EYS: variants seen among roughly 807,000 people sequenced by gnomAD.
EYS encodes EGF-like photoreceptor maintenance factor, also known as protein eyes shut homolog.
A neutral mutation model predicts 282.1 loss-of-function variants in EYS; 250 were observed. That is an observed-to-expected ratio of 0.89 (90% CI 0.80 to 0.98). The LOEUF is 0.98. EYS is among the 50% of genes least tolerant of loss of function. EYS has a pLI of 0.00. For missense variants in EYS, 4,016 were observed against 3,709.0 expected (o/e 1.08, Z -2.15); for synonymous variants, 1,355 against 1,282.9 (o/e 1.06, Z -1.20).
chr6:63,914,142 A>G (rs1465305443), intron 35 of EYS, among the ~76,000 whole-genome samples: 1 of 151,888 alleles, frequency 6.6e-6, no homozygotes, highest in Non-Finnish European at 1.5e-5. Flanking sequence ...TCTCTCTAGG[A>G]CTCCCTATAC....
At chr6:63,880,483 G>A (rs199625964) in intron 35 of EYS, among the ~76,000 whole-genome samples, 83 of 120,406 alleles carry the variant, frequency 6.9e-4, no homozygotes, top group African/African-American at 1.2e-3. Flanking sequence ...CTGTCTGTCT[G>A]TCTGTATCTA....
rs1230508325 is a variant in EYS, at chr6:64,295,518, A to AAAGAAGAAAGAAGAAGAAAG, written c.6191+11432_6191+11451dup. Among the ~76,000 whole-genome samples, 5 of 35,906 alleles carry AAAGAAGAAAGAAGAAGAAAG rather than the reference A, an allele frequency of 1.4e-4. 2 individuals carry two copies. The highest frequency in any genetic ancestry group is 6.1e-4 in the African/African-American group (3 of 4,920). The allele number at this position is 35,906 out of a possible 152,430, so 23.6% of individuals were successfully genotyped here. On this transcript the variant is annotated intron_variant, in intron 30 of 42. Coordinates refer to ENST00000503581, the MANE Select transcript of EYS (RefSeq NM_001142800.2). ...GAAGAAAGAAGAAAGAAGAAAGAAGAAAGAAGAAAGAAGAAGAAAGAAGAA... is the reference window on the plus strand; with the variant it reads ...GAAGAAAGAAGAAAGAAGAAAGAAGAAAGAAGAAAGAAGAAGAAAGAAGAAGAAAGAAGAAGAAAGAAGAA...
At chr6:65,523,391 T>A (rs1207706077) in intron 2 of EYS, among the ~76,000 whole-genome samples, 1 of 151,978 alleles carries the variant, frequency 6.6e-6, no homozygotes, top group African/African-American at 2.4e-5. Context: ...CATAGGTAAA[T>A]CTGGAGGACA....
At chr6:65,371,925 G>C (rs1765168747) in intron 8 of EYS, among the ~76,000 whole-genome samples, 1 of 151,184 alleles carries the variant, frequency 6.6e-6, no homozygotes, top group African/African-American at 2.4e-5. Context: ...TACTCATATG[G>C]AATTCTAATT....
intron 26 of EYS, among the ~76,000 whole-genome samples, chr6:64,457,780 T>C (rs1025577175): frequency 9.1e-6 from 1 of 109,674 alleles, no homozygotes; most frequent in Non-Finnish European, 1.7e-5. Context: ...AGCATGTAGT[T>C]GGGTCATTTT....
chr6:65,217,555 C>T (rs543771926), intron 12 of EYS, among the ~76,000 whole-genome samples: 19 of 152,010 alleles, frequency 1.2e-4, no homozygotes, highest in Admixed American at 7.2e-4. Flanking sequence ...GATGATGAGA[C>T]GGGCTGGAGC....
intron 12 of EYS, among the ~76,000 whole-genome samples, chr6:65,271,373 CA>C (rs1218077655): frequency 6.6e-6 from 1 of 151,092 alleles, no homozygotes; most frequent in Non-Finnish European, 1.5e-5. Flanking sequence ...GGGAAGAGGG[CA>C]AATTCAACTT....
intron 12 of EYS, among the ~76,000 whole-genome samples, chr6:65,198,474 T>C (rs1765822868): frequency 1.3e-5 from 2 of 152,124 alleles, no homozygotes; most frequent in Non-Finnish European, 2.9e-5. Context: ...GTGTTACAAT[T>C]TTGTAAGATT....
intron 30 of EYS, among the ~76,000 whole-genome samples, chr6:64,283,824 T>C (rs1192043574): frequency 6.6e-6 from 1 of 151,954 alleles, no homozygotes; most frequent in Non-Finnish European, 1.5e-5. Context: ...ATAAGGAAGA[T>C]GCACAAGCAG....
At chr6:63,978,913 G>A (rs1010486935) in intron 35 of EYS, among the ~76,000 whole-genome samples, 7 of 151,762 alleles carry the variant, frequency 4.6e-5, no homozygotes, top group African/African-American at 1.7e-4. Context: ...AGGGAAAGAT[G>A]GATTGAAAGT....
At chr6:63,738,442 A>G (rs996578127) in intron 41 of EYS, among the ~76,000 whole-genome samples, 2 of 152,010 alleles carry the variant, frequency 1.3e-5, no homozygotes, top group African/African-American at 2.4e-5. Context: ...TTGTAGGGAC[A>G]TGGATGAAAT....
intron 14 of EYS, among the ~76,000 whole-genome samples, chr6:64,992,372 C>A (rs928908583): frequency 6.6e-6 from 1 of 151,764 alleles, no homozygotes; most frequent in African/African-American, 2.4e-5. Context: ...GCTGTCTCTG[C>A]TCTTTTAAGT....
intron 5 of EYS, among the ~76,000 whole-genome samples, chr6:65,458,170 C>G (rs1166817462): frequency 6.6e-6 from 1 of 152,108 alleles, no homozygotes; most frequent in East Asian, 1.9e-4. Flanking sequence ...CTGAATTATC[C>G]TCTACTCTTG....
At chr6:64,330,563 C>G (rs548774773) in intron 29 of EYS, among the ~76,000 whole-genome samples, 2 of 152,224 alleles carry the variant, frequency 1.3e-5, no homozygotes, top group Admixed American at 1.3e-4. Flanking sequence ...GGAATAGCTA[C>G]AGGAGTCTTG....
At chr6:64,239,986 C>T (rs1339384538) in intron 30 of EYS, among the ~76,000 whole-genome samples, 1 of 152,134 alleles carries the variant, frequency 6.6e-6, no homozygotes, top group Non-Finnish European at 1.5e-5. Context: ...AGCCAGTTTT[C>T]CCAACACCGT....
At chr6:63,938,236 A>G (rs776473665) in intron 35 of EYS, among the ~76,000 whole-genome samples, 10 of 152,340 alleles carry the variant, frequency 6.6e-5, no homozygotes, top group East Asian at 1.9e-4. Flanking sequence ...CTGGTCTCGT[A>G]TGGTGATACA....
chr6:65,512,059 T>C (rs1041193212), intron 2 of EYS, among the ~76,000 whole-genome samples: 1 of 151,022 alleles, frequency 6.6e-6, no homozygotes, highest in African/African-American at 2.4e-5. Flanking sequence ...AAATTGAGGA[T>C]TCAAAACCCA....
At chr6:64,757,736 TTTTTTCTTTGTGTGTG>T (rs1772994614) in intron 22 of EYS, among the ~76,000 whole-genome samples, 10 of 132,012 alleles carry the variant, frequency 7.6e-5, no homozygotes, top group East Asian at 4.4e-4. Context: ...TTTTTTTTCT[TTTTTTCTTTGTGTGTG>T]TGTGTGTGTG....
At chr6:65,288,611 G>GC (rs890676289) in intron 12 of EYS, among the ~76,000 whole-genome samples, 4 of 150,920 alleles carry the variant, frequency 2.7e-5, no homozygotes, top group African/African-American at 9.7e-5. Context: ...ACACACGAGA[G>GC]CTGCTTAAAA....
Sources: allele counts gnomAD v4.1 joint callset (sites outside exome capture counted in the v4.1 genomes callset), GRCh38; gene constraint gnomAD v4.1.1; transcripts MANE v1.5; gene names NCBI Gene and HGNC (gene_info 2026-07-23, HGNC 2026-07-21).